SV2B: variants seen among roughly 807,000 people sequenced by gnomAD.
SV2B encodes solute carrier family 22 member B2.
Under a neutral mutation model 73.9 loss-of-function variants are expected in SV2B, and 41 were observed. The ratio of observed to expected loss-of-function variants is 0.56; its 90% CI spans 0.43 to 0.72. The LOEUF (loss-of-function observed/expected upper bound fraction) is 0.72, where lower values mean the gene tolerates loss of function less well. Ranked by LOEUF, SV2B falls within the 30% of genes least tolerant of loss-of-function variation. The probability of loss-of-function intolerance (pLI) is 0.00; values close to 1 mark genes in which losing one functional copy is unlikely to be tolerated. For synonymous variants in SV2B, 314 were observed against 314.2 expected (o/e 1.00, Z 0.01); for missense variants, 764 against 857.8 (o/e 0.89, Z 1.37).
At position 91,281,814 on chromosome 15, in the gene SV2B, C is replaced by T. The variant is rs777347621; in HGVS notation, c.1460C>T (p.Thr487Ile). The T allele has an allele frequency of 1.2e-6, 2 of 1,613,012 alleles. No individual in the cohort carries two copies. Among genetic ancestry groups the T allele is most frequent in the East Asian group, 2.2e-5 (1 of 44,888 alleles). Reference sequence around the variant, plus strand: ...TTTGAAGACGTAACATCAACAGATACCTACTTCAAAAATTGTACCATTGAA... The same window carrying T: ...TTTGAAGACGTAACATCAACAGATATCTACTTCAAAAATTGTACCATTGAA... Reference protein sequence around the residue: ...CYFEDVTSTDTYFKNCTIEST... With the variant: ...CYFEDVTSTDIYFKNCTIEST... The change falls in exon 10 of 13, where the codon ACC becomes ATC. Residue 487 changes from threonine (T) to isoleucine (I), a missense_variant. Physicochemically the swap from Thr to Ile is moderately conservative, Grantham distance 89 (BLOSUM62 -1). Transcript: ENST00000394232. The surrounding 1 kb of genome is among the most constrained non-coding windows in gnomAD (Gnocchi z 4.7).
At chr15:91,254,806 A>G (rs762780724) in intron 4 of SV2B, among the ~76,000 whole-genome samples, 8 of 152,156 alleles carry the variant, frequency 5.3e-5, no homozygotes, top group Non-Finnish European at 8.8e-5. Context: ...TAATTCTAGT[A>G]CTCAGACCAG....
chr15:91,102,997 G>A (rs529748974), intron 1 of SV2B, among the ~76,000 whole-genome samples: 96 of 152,296 alleles, frequency 6.3e-4, no homozygotes, highest in African/African-American at 2.3e-3. Flanking sequence ...TCAGACACCC[G>A]GGACAGCAGT....
Position 91,118,524 on chromosome 15 carries a change from G to A in SV2B, c.-392+18161G>A, listed in dbSNP as rs148464031. ...CCTGATGTGTAGGGGAGGAGCAGGA[G>A]CCCCAGGGCTGTCCAGGCTCAATCA... On this transcript the variant is annotated intron_variant, in intron 1 of 12. Coordinates refer to ENST00000394232, the MANE Select transcript of SV2B (RefSeq NM_001323032.3). This position sits in a 1 kb window ranked among gnomAD's most constrained non-coding sequence, Gnocchi z 4.7. Among the ~76,000 whole-genome samples, 1 of 152,176 alleles carries A rather than the reference G, an allele frequency of 6.6e-6. No individual in the cohort carries two copies. Among genetic ancestry groups the A allele is most frequent in the East Asian group, 1.9e-4 (1 of 5,192 alleles).
intron 1 of SV2B, among the ~76,000 whole-genome samples, chr15:91,149,729 A>C (rs1169052675): frequency 1.3e-5 from 2 of 152,182 alleles, no homozygotes; most frequent in Non-Finnish European, 2.9e-5. Context: ...GCTGAGGCTC[A>C]GGGAAGGATT....
At chr15:91,138,039 G>A (rs754520140) in intron 1 of SV2B, among the ~76,000 whole-genome samples, 1 of 152,162 alleles carries the variant, frequency 6.6e-6, no homozygotes, top group Non-Finnish European at 1.5e-5. Flanking sequence ...AATTGCCAAT[G>A]AGTGTTAACA....
At chr15:91,205,659 C>T (rs2045610138) in intron 1 of SV2B, among the ~76,000 whole-genome samples, 1 of 152,106 alleles carries the variant, frequency 6.6e-6, no homozygotes, top group African/African-American at 2.4e-5. Flanking sequence ...AGCCACCACG[C>T]CCTGCCCAGG....
intron 2 of SV2B, among the ~76,000 whole-genome samples, chr15:91,228,712 G>T (rs1037566195): frequency 1.5e-4 from 23 of 152,186 alleles, no homozygotes; most frequent in Non-Finnish European, 3.2e-4. Flanking sequence ...TTTGCTTTTA[G>T]TGTCTGCCCA....
intron 5 of SV2B, among the ~76,000 whole-genome samples, chr15:91,259,230 A>G (rs1292923993): frequency 6.6e-6 from 1 of 152,214 alleles, no homozygotes; most frequent in Non-Finnish European, 1.5e-5. Context: ...TTTTAGCTAC[A>G]CAGGGTCCCC....
At chr15:91,278,646 T>A (rs1177960802) in intron 9 of SV2B, among the ~76,000 whole-genome samples, 1 of 97,812 alleles carries the variant, frequency 1.0e-5, no homozygotes, top group Middle Eastern at 8.1e-3. Flanking sequence ...GCCACTGCAG[T>A]CCGGCCTGGG....
intron 1 of SV2B, among the ~76,000 whole-genome samples, chr15:91,190,313 C>T (rs1405703686): frequency 6.7e-6 from 1 of 148,348 alleles, no homozygotes; most frequent in Non-Finnish European, 1.5e-5. Context: ...GATCATTATA[C>T]CTTTTCATTT....
At chr15:91,120,030 A>C (rs1278838661) in intron 1 of SV2B, among the ~76,000 whole-genome samples, 1 of 152,246 alleles carries the variant, frequency 6.6e-6, no homozygotes, top group Non-Finnish European at 1.5e-5. Flanking sequence ...AAGTGTTGCA[A>C]ATATTTTCCA....
At chr15:91,237,821 C>T (rs1217233335) in intron 2 of SV2B, among the ~76,000 whole-genome samples, 2 of 152,146 alleles carry the variant, frequency 1.3e-5, no homozygotes, top group African/African-American at 2.4e-5. Context: ...CACATATCTT[C>T]GGTAGCATGA....
chr15:91,234,808 A>T lies in SV2B; in HGVS notation c.451+8094A>T, dbSNP rs1423136853. On this transcript the variant is annotated intron_variant, in intron 2 of 12. Coordinates refer to ENST00000394232, the MANE Select transcript of SV2B (RefSeq NM_001323032.3). This position sits in a 1 kb window ranked among gnomAD's most constrained non-coding sequence, Gnocchi z 5.6. ...CTTTCTCTCAGTGTTCCCCAAAGAG[A>T]CCTGTGGGCTTTTACTAGGTGACTG... Among the ~76,000 whole-genome samples the T allele has an allele frequency of 6.6e-6, 1 of 152,162 alleles. No individual in the cohort carries two copies. Among genetic ancestry groups the T allele is most frequent in the Non-Finnish European group, 1.5e-5 (1 of 68,038 alleles).
Position 91,226,078 on chromosome 15 carries a change from C to T in SV2B, c.-186C>T. ...CAAAAGGATATTTAGGTTGTCTTTG[C>T]ACAAATCTGGTTGATTTGAGAGATA... is the stretch of plus-strand genomic sequence containing the variant. On this transcript the variant is annotated 5_prime_UTR_variant, in exon 2 of 13. Coordinates refer to ENST00000394232, the MANE Select transcript of SV2B (RefSeq NM_001323032.3). The T allele has an allele frequency of 1.6e-6, 1 of 623,270 alleles. No individual in the cohort carries two copies. The highest frequency in any genetic ancestry group is 2.7e-6 in the Non-Finnish European group (1 of 365,726). 38.6% of individuals were successfully genotyped at this position (623,270 alleles called of 1,614,324 possible).
chr15:91,147,453 G>C (rs1189641904), intron 1 of SV2B, among the ~76,000 whole-genome samples: 1 of 152,222 alleles, frequency 6.6e-6, no homozygotes, highest in Non-Finnish European at 1.5e-5. Context: ...CAGGCCATGA[G>C]GGACAGCAGG....
intron 2 of SV2B, among the ~76,000 whole-genome samples, chr15:91,238,718 G>A (rs942834042): frequency 2.0e-5 from 3 of 152,154 alleles, no homozygotes; most frequent in African/African-American, 7.2e-5. Flanking sequence ...GGGGTCTGCA[G>A]TGATCCCTGA....
chr15:91,169,171 G>A (rs1014412057), intron 1 of SV2B, among the ~76,000 whole-genome samples: 1 of 151,978 alleles, frequency 6.6e-6, no homozygotes, highest in East Asian at 1.9e-4. Flanking sequence ...CCTCATGATC[G>A]GTTACTGCGT....
chr15:91,247,596 A>G (rs2047288512), intron 2 of SV2B, among the ~76,000 whole-genome samples: 1 of 152,164 alleles, frequency 6.6e-6, no homozygotes, highest in African/African-American at 2.4e-5. Context: ...CTCTTAAGAG[A>G]GGCCCTGGCT....
chr15:91,263,187 C>T (rs970937602), intron 6 of SV2B, among the ~76,000 whole-genome samples: 1 of 150,518 alleles, frequency 6.6e-6, no homozygotes, highest in Non-Finnish European at 1.5e-5. Flanking sequence ...CACAGAGACA[C>T]ACAGACACAG....
Sources: allele counts gnomAD v4.1 joint callset (sites outside exome capture counted in the v4.1 genomes callset), GRCh38; gene constraint gnomAD v4.1.1; non-coding constraint Gnocchi (gnomAD v3.1); transcripts MANE v1.5; gene names NCBI Gene and HGNC (gene_info 2026-07-23, HGNC 2026-07-21).